PLCH1: variants seen among roughly 807,000 people sequenced by gnomAD.
PLCH1 encodes the protein phospholipase C eta 1.
Under a neutral mutation model 126.7 loss-of-function variants are expected in PLCH1, and 60 were observed. The ratio of observed to expected loss-of-function variants is 0.47; its 90% CI spans 0.38 to 0.59. The LOEUF is 0.59. PLCH1 is among the 20% of genes least tolerant of loss of function. The pLI, the probability that PLCH1 is intolerant of heterozygous loss-of-function variation, is 0.00. For synonymous variants in PLCH1, 719 were observed against 734.9 expected, an observed-to-expected ratio of 0.98 and a Z score of 0.35; for missense variants, 1,723 against 2,040.0, an observed-to-expected ratio of 0.84 and a Z score of 2.99.
intron 22 of PLCH1, among the ~76,000 whole-genome samples, chr3:155,484,003 A>C (rs1714602968): frequency 6.6e-6 from 1 of 152,182 alleles, no homozygotes; most frequent in African/African-American, 2.4e-5. Flanking sequence ...TATAAAGAAA[A>C]AATTAAATAC....
intron 2 of PLCH1, among the ~76,000 whole-genome samples, chr3:155,642,573 C>T (rs1209211598): frequency 1.3e-5 from 2 of 152,204 alleles, no homozygotes; most frequent in Non-Finnish European, 2.9e-5. Flanking sequence ...TGTGTATGGG[C>T]ATCATCCAAT....
chr3:155,547,895 G>T (rs1291726028), intron 10 of PLCH1, among the ~76,000 whole-genome samples: 3 of 115,530 alleles, frequency 2.6e-5, no homozygotes, highest in Non-Finnish European at 3.5e-5. Flanking sequence ...GTTGTGGGGT[G>T]GGGGGAGGGG....
chr3:155,670,685 T>C (rs115963954), intron 2 of PLCH1, among the ~76,000 whole-genome samples: 84 of 152,252 alleles, frequency 5.5e-4, no homozygotes, highest in African/African-American at 1.9e-3. Flanking sequence ...GTGTAATCTA[T>C]CTTTCATAGC....
chr3:155,717,681 C>G (rs959716353), intron 1 of PLCH1, among the ~76,000 whole-genome samples: 2 of 152,240 alleles, frequency 1.3e-5, no homozygotes, highest in Admixed American at 1.3e-4. Context: ...CTGCACAGAA[C>G]AGCAGGGCCC....
chr3:155,495,104 A>G (rs1381617831), intron 15 of PLCH1, among the ~76,000 whole-genome samples: 1 of 152,218 alleles, frequency 6.6e-6, no homozygotes, highest in Non-Finnish European at 1.5e-5. Context: ...GGAGAAAGGA[A>G]TAATAATGGA....
chr3:155,663,443 C>T (rs1444434339), intron 2 of PLCH1, among the ~76,000 whole-genome samples: 3 of 152,226 alleles, frequency 2.0e-5, no homozygotes, highest in Admixed American at 1.3e-4. Context: ...TGCTCTCTTT[C>T]CGCTTTTGCT....
At chr3:155,580,137 C>A (rs1730474940) in intron 6 of PLCH1, among the ~76,000 whole-genome samples, 1 of 152,078 alleles carries the variant, frequency 6.6e-6, no homozygotes, top group African/African-American at 2.4e-5. Context: ...AAAAGTGATC[C>A]ATTTAATAAC....
chr3:155,691,027 C>G lies in PLCH1; in HGVS notation c.79+13119G>C, dbSNP rs1191747615. ...AACTCACACTGTGTCTCTAGAAGTTCTCTAGTAGCCTTTGAAGAAAGGGTG... is the reference window on the plus strand; with the variant it reads ...AACTCACACTGTGTCTCTAGAAGTTGTCTAGTAGCCTTTGAAGAAAGGGTG... On this transcript the variant is annotated intron_variant, in intron 2 of 22. Coordinates refer to ENST00000460012, the MANE Select transcript of PLCH1 (RefSeq NM_014996.4). 1.3e-5 allele frequency among the ~76,000 whole-genome samples: 2 copies of G among 152,170 alleles called. 1 individual carries two copies. The highest frequency in any genetic ancestry group is 4.1e-4 in the South Asian group (2 of 4,820).
At chr3:155,659,987 A>C (rs560009773) in intron 2 of PLCH1, among the ~76,000 whole-genome samples, 1 of 152,286 alleles carries the variant, frequency 6.6e-6, no homozygotes, top group African/African-American at 2.4e-5. Context: ...GAAAAAGAGA[A>C]GTTCTGCTTA....
intron 7 of PLCH1, among the ~76,000 whole-genome samples, chr3:155,566,658 C>T (rs1439962371): frequency 6.6e-6 from 1 of 150,942 alleles, no homozygotes; most frequent in Admixed American, 6.6e-5. Context: ...TGAAAAAATG[C>T]TGCTAATGGC....
intron 2 of PLCH1, among the ~76,000 whole-genome samples, chr3:155,659,872 A>G (rs1741927278): frequency 6.6e-6 from 1 of 151,880 alleles, no homozygotes; most frequent in African/African-American, 2.4e-5. Flanking sequence ...GGGCTCAAGC[A>G]ATCCACCACC....
At chr3:155,742,838 C>A (rs1202251113) in intron 1 of PLCH1, 1 of 154,612 alleles carries the variant, frequency 6.5e-6, no homozygotes, top group African/African-American at 2.4e-5. Flanking sequence ...TGTTTGATTT[C>A]ATTTGCTGAT....
At chr3:155,727,489 G>A (rs1274512520) in intron 1 of PLCH1, among the ~76,000 whole-genome samples, 1 of 151,266 alleles carries the variant, frequency 6.6e-6, no homozygotes, top group East Asian at 2.0e-4. Flanking sequence ...CTGGGCTCAA[G>A]CGATTCTCCT....
chr3:155,583,868 C>T (rs1291807130), intron 5 of PLCH1, among the ~76,000 whole-genome samples: 1 of 151,106 alleles, frequency 6.6e-6, no homozygotes, highest in Admixed American at 6.6e-5. Context: ...CTCACACAAA[C>T]CAATTGTTCT....
At chr3:155,636,476 G>A (rs1462361734) in intron 2 of PLCH1, among the ~76,000 whole-genome samples, 1 of 152,090 alleles carries the variant, frequency 6.6e-6, no homozygotes, top group Non-Finnish European at 1.5e-5. Flanking sequence ...GGCCAGGCGC[G>A]GTGGCTCTCG....
intron 2 of PLCH1, among the ~76,000 whole-genome samples, chr3:155,654,914 A>G (rs923978906): frequency 6.6e-6 from 1 of 152,132 alleles, no homozygotes; most frequent in Non-Finnish European, 1.5e-5. Flanking sequence ...TCTCTGACTC[A>G]TCTTCTACCA....
chr3:155,637,199 C>G (rs907875265), intron 2 of PLCH1, among the ~76,000 whole-genome samples: 1 of 152,172 alleles, frequency 6.6e-6, no homozygotes, highest in Non-Finnish European at 1.5e-5. Flanking sequence ...ACATTGTAAA[C>G]TATACCTGGA....
In PLCH1 at chr3:155,676,096, C is replaced by T. The variant is rs1744059109; in HGVS notation, c.79+28050G>A. The T allele has an allele frequency of 2.1e-6, 3 of 1,457,940 alleles. No individual in the cohort carries two copies. In the East Asian group the frequency reaches 7.7e-5, roughly 37 times the overall value. The allele number at this position is 1,457,940 out of a possible 1,614,324, so 90.3% of individuals were successfully genotyped here. A position where few individuals can be genotyped will look rare whatever the true frequency, so the allele number is the denominator to read the frequency against. ...GAGCAGTACAATTTCTCTCTAAAGG[C>T]AAAGCCTTTTCCTGATACACATTTC... On this transcript the variant is annotated intron_variant, in intron 2 of 22. Coordinates refer to ENST00000460012, the MANE Select transcript of PLCH1 (RefSeq NM_014996.4).
At chr3:155,662,861 G>A (rs140489282) in intron 2 of PLCH1, among the ~76,000 whole-genome samples, 1,918 of 151,968 alleles carry the variant, frequency 0.013, 41 homozygotes, top group African/African-American at 0.043. Context: ...ATGGGGTTTC[G>A]CCATGTTGGC....
Sources: allele counts gnomAD v4.1 joint callset (sites outside exome capture counted in the v4.1 genomes callset), GRCh38; gene constraint gnomAD v4.1.1; transcripts MANE v1.5; gene names NCBI Gene and HGNC (gene_info 2026-07-23, HGNC 2026-07-21).